NELL1: variants seen among roughly 807,000 people sequenced by gnomAD.
NELL1 encodes neural EGFL like 1.
A neutral mutation model predicts 107.4 loss-of-function variants in NELL1; 76 were observed. The ratio of observed to expected loss-of-function variants is 0.71; its 90% CI spans 0.59 to 0.86. The LOEUF (loss-of-function observed/expected upper bound fraction) is 0.86. Ranked by LOEUF, NELL1 falls within the 40% of genes least tolerant of loss-of-function variation. The pLI, the probability that NELL1 is intolerant of heterozygous loss-of-function variation, is 0.00. For synonymous variants in NELL1, 353 were observed against 341.2 expected (o/e 1.03, Z -0.38); for missense variants, 1,024 against 1,005.5 (o/e 1.02, Z -0.25).
chr11:20,925,317 G>A (rs1160934260), intron 7 of NELL1, among the ~76,000 whole-genome samples: 3 of 151,954 alleles, frequency 2.0e-5, no homozygotes, highest in African/African-American at 7.3e-5. Flanking sequence ...GTATCGCTCT[G>A]TTGCCCAGGC....
At chr11:21,114,555 AC>A (rs1263397374) in intron 13 of NELL1, among the ~76,000 whole-genome samples, 7 of 151,898 alleles carry the variant, frequency 4.6e-5, no homozygotes, top group African/African-American at 1.7e-4. Flanking sequence ...TTTTTAATGT[AC>A]TTTTTTTTTC....
At chr11:21,121,953 A>G (rs1363870387) in intron 13 of NELL1, among the ~76,000 whole-genome samples, 4 of 152,216 alleles carry the variant, frequency 2.6e-5, no homozygotes, top group Admixed American at 6.5e-5. Flanking sequence ...GTTAGGGTTT[A>G]TTAAATCCAG....
chr11:20,778,498 C>CTTTTTTTTTTTTTTTTTTTTTTT (rs1161737750), intron 2 of NELL1, among the ~76,000 whole-genome samples: 3 of 73,034 alleles, frequency 4.1e-5, no homozygotes, highest in Admixed American at 1.5e-4. Flanking sequence ...TCACCCAGCA[C>CTTTTTTTTTTTTTTTTTTTTTTT]TTTTTTTTTT....
intron 14 of NELL1, among the ~76,000 whole-genome samples, chr11:21,242,532 T>C (rs1327077440): frequency 6.6e-6 from 1 of 152,130 alleles, no homozygotes; most frequent in Non-Finnish European, 1.5e-5. Context: ...GCTACACTGC[T>C]GTTGTAAATA....
chr11:20,919,615 C>G (rs1850333957), intron 7 of NELL1, among the ~76,000 whole-genome samples: 1 of 151,984 alleles, frequency 6.6e-6, no homozygotes, highest in Non-Finnish European at 1.5e-5. Context: ...AAGGAATTTT[C>G]CTATTGGCTA....
At chr11:21,515,769 A>C (rs539495332) in intron 15 of NELL1, among the ~76,000 whole-genome samples, 1 of 152,314 alleles carries the variant, frequency 6.6e-6, no homozygotes, top group African/African-American at 2.4e-5. Context: ...TAAGGACTCC[A>C]TGATCTGACT....
At chr11:21,381,648 A>G (rs1851609923) in intron 15 of NELL1, among the ~76,000 whole-genome samples, 1 of 151,952 alleles carries the variant, frequency 6.6e-6, no homozygotes, top group South Asian at 2.1e-4. Context: ...TCTTATATTT[A>G]TCTTTTGCTA....
intron 14 of NELL1, among the ~76,000 whole-genome samples, chr11:21,359,975 T>C (rs1851034246): frequency 6.6e-6 from 1 of 152,182 alleles, no homozygotes; most frequent in Non-Finnish European, 1.5e-5. Flanking sequence ...GATTTCTTTG[T>C]TTCAATTTCA....
chr11:21,016,305 A>C (rs1852563457), intron 12 of NELL1, among the ~76,000 whole-genome samples: 1 of 152,138 alleles, frequency 6.6e-6, no homozygotes, highest in African/African-American at 2.4e-5. Context: ...AAATCAAATA[A>C]GTGAACATAC....
chr11:20,673,642 C>A (rs1853975573), intron 1 of NELL1, among the ~76,000 whole-genome samples: 2 of 152,298 alleles, frequency 1.3e-5, no homozygotes, highest in South Asian at 4.1e-4. Flanking sequence ...CCTAGTCAGG[C>A]CTCAAGTGCC....
intron 15 of NELL1, among the ~76,000 whole-genome samples, chr11:21,382,683 C>T (rs1851640969): frequency 6.6e-6 from 1 of 151,788 alleles, no homozygotes; most frequent in African/African-American, 2.4e-5. Context: ...GTAACTTTAC[C>T]ATTAATGAAG....
intron 12 of NELL1, among the ~76,000 whole-genome samples, chr11:20,983,844 T>C (rs1851797714): frequency 6.6e-6 from 1 of 152,194 alleles, no homozygotes; most frequent in Non-Finnish European, 1.5e-5. Context: ...TTCTCATTGC[T>C]GTAAGGAACA....
intron 15 of NELL1, among the ~76,000 whole-genome samples, chr11:21,442,402 AC>A (rs1203052392): frequency 6.6e-6 from 1 of 152,092 alleles, no homozygotes; most frequent in African/African-American, 2.4e-5. Flanking sequence ...TTAATTTTCC[AC>A]CACCTGGCAC....
At chr11:20,820,362 A>G (rs192633678) in intron 3 of NELL1, among the ~76,000 whole-genome samples, 146 of 152,298 alleles carry the variant, frequency 9.6e-4, no homozygotes, top group African/African-American at 3.4e-3. Context: ...TTAAATACCT[A>G]TTATAAACTA....
chr11:21,073,833 A>G (rs1476975312), intron 12 of NELL1, among the ~76,000 whole-genome samples: 1 of 152,232 alleles, frequency 6.6e-6, no homozygotes, highest in Non-Finnish European at 1.5e-5. Context: ...TTCGAGTGCT[A>G]TAAATAGAAA....
At chr11:21,043,073 A>T (rs1416795579) in intron 12 of NELL1, among the ~76,000 whole-genome samples, 1 of 152,180 alleles carries the variant, frequency 6.6e-6, no homozygotes, top group Non-Finnish European at 1.5e-5. Context: ...AAAAGGGGGC[A>T]TGGCTATGAA....
intron 5 of NELL1, among the ~76,000 whole-genome samples, chr11:20,916,153 G>A (rs1850251150): frequency 6.6e-6 from 1 of 151,790 alleles, no homozygotes; most frequent in Admixed American, 6.6e-5. Flanking sequence ...CAAGTGCTTT[G>A]GGTTTTTGTG....
chr11:21,418,995 C>T (rs1313337821), intron 15 of NELL1, among the ~76,000 whole-genome samples: 1 of 152,102 alleles, frequency 6.6e-6, no homozygotes, highest in Non-Finnish European at 1.5e-5. Flanking sequence ...TGCATAATCA[C>T]AAGAGCAGAG....
chr11:20,940,113 G>A (rs865940962), intron 10 of NELL1, among the ~76,000 whole-genome samples: 3 of 151,974 alleles, frequency 2.0e-5, no homozygotes, highest in South Asian at 4.2e-4. Context: ...CAACAAAGAT[G>A]AATAGAAAGA....
Sources: allele counts gnomAD v4.1 joint callset (sites outside exome capture counted in the v4.1 genomes callset), GRCh38; gene constraint gnomAD v4.1.1; transcripts MANE v1.5; gene names NCBI Gene and HGNC (gene_info 2026-07-23, HGNC 2026-07-21).